Variants in ST7 observed in about 807,000 individuals in gnomAD.
ST7 encodes suppression of tumorigenicity 7.
Under a neutral mutation model 78.7 loss-of-function variants are expected in ST7, and 28 were observed. The observed-to-expected ratio is 0.36, with a 90% CI of 0.26 to 0.49. ST7 has a LOEUF of 0.49. ST7 is among the 20% of genes least tolerant of loss of function. The pLI, the probability that ST7 is intolerant of heterozygous loss-of-function variation, is 0.99. For missense variants in ST7, 418 were observed against 696.0 expected, an observed-to-expected ratio of 0.60 and a Z score of 4.49; for synonymous variants, 247 against 249.6, an observed-to-expected ratio of 0.99 and a Z score of 0.10.
chr7:117,099,898 T>C (rs1801436208), intron 2 of ST7, 54 bp downstream of exon 2: 1 of 1,406,072 alleles, frequency 7.1e-7, no homozygotes, highest in African/African-American at 1.4e-5. Flanking sequence ...AATATGTGTA[T>C]TAGTGTATGT....
intron 2 of ST7, 73 bp from the exon 3 acceptor site, chr7:117,119,488 T>C: frequency 7.3e-7 from 1 of 1,371,366 alleles, no homozygotes; most frequent in East Asian, 2.6e-5. Flanking sequence ...AAATGTAACA[T>C]GTTTTATGGG....
chr7:117,181,467 A>G (rs909744910), intron 10 of ST7, among the ~76,000 whole-genome samples: 3 of 152,224 alleles, frequency 2.0e-5, no homozygotes, highest in African/African-American at 7.2e-5. Context: ...CTGGGCCCAT[A>G]TTTCTCACCT....
At chr7:117,085,924 TA>T (rs1483781240) in intron 1 of ST7, among the ~76,000 whole-genome samples, 1 of 152,086 alleles carries the variant, frequency 6.6e-6, no homozygotes, top group African/African-American at 2.4e-5. Flanking sequence ...AAATTAAATT[TA>T]AAAAATTAAT....
At chr7:117,185,707 C>T (rs1180366534) in intron 10 of ST7, among the ~76,000 whole-genome samples, 1 of 152,100 alleles carries the variant, frequency 6.6e-6, no homozygotes, top group Non-Finnish European at 1.5e-5. Context: ...GGGTGGATCA[C>T]GAGGTTGGAG....
intron 1 of ST7, among the ~76,000 whole-genome samples, chr7:116,981,864 T>A (rs1793976215): frequency 6.6e-6 from 1 of 152,220 alleles, no homozygotes; most frequent in Non-Finnish European, 1.5e-5. Flanking sequence ...GTGCTATACT[T>A]TATTTAATTG....
intron 1 of ST7, among the ~76,000 whole-genome samples, chr7:117,087,463 A>G (rs1563071063): frequency 1.3e-5 from 2 of 152,214 alleles, no homozygotes. Context: ...AGACACATTC[A>G]TAATGATTAA....
chr7:116,954,965 G>A (rs992067030), intron 1 of ST7: 10 of 332,520 alleles, frequency 3.0e-5, no homozygotes, highest in African/African-American at 1.5e-4. Context: ...ATTTACATTT[G>A]TTTTGTAGTA....
chr7:117,136,018 C>A (rs1454974392), intron 7 of ST7, 63 bp from the exon 8 acceptor site: 1 of 1,568,438 alleles, frequency 6.4e-7, no homozygotes, highest in African/African-American at 1.4e-5. Flanking sequence ...TGCATGAGCT[C>A]CTACAGTCTA....
At chr7:117,029,665 T>C (rs1313512554) in intron 1 of ST7, among the ~76,000 whole-genome samples, 3 of 152,162 alleles carry the variant, frequency 2.0e-5, no homozygotes, top group African/African-American at 7.2e-5. Context: ...CTGTATTTTC[T>C]TCCAGATGTT....
At chr7:117,094,608 G>T (rs1448796425) in intron 1 of ST7, among the ~76,000 whole-genome samples, 1 of 152,132 alleles carries the variant, frequency 6.6e-6, no homozygotes, top group Non-Finnish European at 1.5e-5. Flanking sequence ...ATAGACTGAT[G>T]TTAAGAGAAA....
intron 1 of ST7, chr7:116,967,335 C>T: frequency 2.1e-6 from 1 of 471,168 alleles, no homozygotes; most frequent in South Asian, 1.5e-5. Flanking sequence ...CCTTTGAGTG[C>T]TCCACTTGCG....
chr7:117,157,779 G>T (rs1038047948), intron 9 of ST7, among the ~76,000 whole-genome samples: 5 of 152,178 alleles, frequency 3.3e-5, no homozygotes, highest in African/African-American at 1.2e-4. Flanking sequence ...TGTCATCACA[G>T]AGGGGGAGGA....
chr7:116,984,581 C>CTA (rs1337158913), intron 1 of ST7, among the ~76,000 whole-genome samples: 1 of 152,140 alleles, frequency 6.6e-6, no homozygotes, highest in Non-Finnish European at 1.5e-5. Context: ...GGAGATGACT[C>CTA]TATCACTTAA....
chr7:117,115,120 T>C (rs1563092745), intron 2 of ST7, among the ~76,000 whole-genome samples: 1 of 151,950 alleles, frequency 6.6e-6, no homozygotes, highest in Non-Finnish European at 1.5e-5. Context: ...TCCAAACCAC[T>C]TCCTCAGCCC....
Position 116,953,664 on chromosome 7 carries a change from T to C in ST7, c.124T>C (p.Leu42=). ...CCTGGTCTACATCCTGCGGGTGCCT[T>C]TGAAAATCAACGACAACTTGAGCAC... ...LFLVYILRVP[L]KINDNLSTVS... The change falls in exon 1 of 16, where the codon TTG becomes CTG. Residue 42 remains leucine (L), a synonymous_variant. Transcript: ENST00000323984. The C allele has an allele frequency of 2.7e-6, 4 of 1,497,434 alleles. No homozygotes were observed. Among genetic ancestry groups the C allele is most frequent in the African/African-American group, 1.5e-5 (1 of 68,732 alleles). The allele number at this position is 1,497,434 out of a possible 1,614,324, so 92.8% of individuals were successfully genotyped here.
chr7:116,995,370 T>C (rs1226676374), intron 1 of ST7, among the ~76,000 whole-genome samples: 2 of 152,204 alleles, frequency 1.3e-5, no homozygotes, highest in African/African-American at 4.8e-5. Flanking sequence ...CCTGAAAGCT[T>C]TCTAAAACAG....
At chr7:117,070,584 C>T (rs1250998773) in intron 1 of ST7, among the ~76,000 whole-genome samples, 1 of 152,102 alleles carries the variant, frequency 6.6e-6, no homozygotes, top group Admixed American at 6.5e-5. Flanking sequence ...CTCTATCGCC[C>T]AGGCTGGATG....
In ST7 at chr7:117,090,240, C is replaced by A. The variant is rs76396472; in HGVS notation, c.152-9522C>A. On this transcript the variant is annotated intron_variant, in intron 1 of 15. Transcript: ENST00000323984. The stretch of plus-strand genomic sequence containing the variant: ...TACAGGTAGTCTAAGGATAGAAACA[C>A]ACACACACACACAGACACACACACA... 2.0e-3 allele frequency among the ~76,000 whole-genome samples: 276 copies of A among 136,584 alleles called. 2 individuals carry two copies. Among genetic ancestry groups the A allele is most frequent in the Middle Eastern group, 0.015 (4 of 270 alleles). The allele number at this position is 136,584 out of a possible 152,430, so 89.6% of individuals were successfully genotyped here.
At chr7:117,169,416 A>G (rs1807816339) in intron 9 of ST7, among the ~76,000 whole-genome samples, 1 of 152,072 alleles carries the variant, frequency 6.6e-6, no homozygotes, top group Non-Finnish European at 1.5e-5. Context: ...GATTATAGTC[A>G]TGAGCCACTA....
Sources: gnomAD v4.1 joint callset for allele counts (sites outside exome capture counted in the v4.1 genomes callset) on GRCh38, gnomAD v4.1.1 for gene constraint, MANE v1.5 for transcripts, NCBI Gene and HGNC (gene_info 2026-07-23, HGNC 2026-07-21) for gene names.